SLCO5A1: variants seen among roughly 807,000 people sequenced by gnomAD.
SLCO5A1 encodes solute carrier organic anion transporter family member 5A1, also known as organic anion transporter polypeptide-related protein 4.
In SLCO5A1, 39 loss-of-function variants were observed where a neutral mutation model predicts 65.1. The observed-to-expected ratio is 0.60, with a 90% CI of 0.46 to 0.78. The LOEUF is 0.78. SLCO5A1 is among the 30% of genes least tolerant of loss of function. The probability of loss-of-function intolerance (pLI) is 0.00; values close to 1 mark genes in which losing one functional copy is unlikely to be tolerated. For synonymous variants in SLCO5A1, 438 were observed against 415.7 expected, an observed-to-expected ratio of 1.05 and a Z score of -0.65; for missense variants, 1,029 against 1,069.4, an observed-to-expected ratio of 0.96 and a Z score of 0.53.
At chr8:69,813,396 C>G (rs1363640930) in intron 2 of SLCO5A1, among the ~76,000 whole-genome samples, 4 of 152,138 alleles carry the variant, frequency 2.6e-5, no homozygotes, top group Non-Finnish European at 5.9e-5. Flanking sequence ...ATATTAATTA[C>G]ATAAATATGC....
chr8:69,683,780 C>T (rs1440199991), intron 6 of SLCO5A1, among the ~76,000 whole-genome samples: 3 of 152,110 alleles, frequency 2.0e-5, no homozygotes, highest in Non-Finnish European at 2.9e-5. Context: ...CCAGGCTGGT[C>T]TCGAACTCCT....
rs148364215 is a variant in SLCO5A1 at position 69,790,925 on chromosome 8, A to G, written c.908-29050T>C. 7.3e-3 allele frequency among the ~76,000 whole-genome samples: 1,117 copies of G among 152,308 alleles called. 13 individuals are homozygous for G. Among genetic ancestry groups the G allele is most frequent in the African/African-American group, 0.026 (1,070 of 41,566 alleles). On this transcript the variant is annotated intron_variant, in intron 2 of 9. Transcript: ENST00000260126. ...AAAGAAAAAAGGCCAGAGGCATACCATGACTTCAGGGGATTTGAAGAGAAC... is the reference window on the plus strand; with the variant it reads ...AAAGAAAAAAGGCCAGAGGCATACCGTGACTTCAGGGGATTTGAAGAGAAC...
chr8:69,783,540 A>T (rs1586795126), intron 2 of SLCO5A1, among the ~76,000 whole-genome samples: 1 of 152,026 alleles, frequency 6.6e-6, no homozygotes, highest in African/African-American at 2.4e-5. Flanking sequence ...TAAAAATTAA[A>T]AAAGGTATCT....
At chr8:69,725,850 T>C (rs767644799) in intron 5 of SLCO5A1, among the ~76,000 whole-genome samples, 1 of 152,334 alleles carries the variant, frequency 6.6e-6, no homozygotes, top group Middle Eastern at 3.4e-3. Flanking sequence ...GGATTTTCAG[T>C]CTTTTTGAAA....
In SLCO5A1 at chr8:69,832,014, G is replaced by T. The variant is rs375446885; in HGVS notation, c.660C>A (p.Pro220=). Residue 220 remains proline (P), a synonymous_variant, in exon 2 of 10, where the codon CCC becomes CCA. Coordinates refer to ENST00000260126, the MANE Select transcript of SLCO5A1 (RefSeq NM_030958.3). The surrounding 1 kb of genome is among the most constrained non-coding windows in gnomAD (Gnocchi z 4.5). ...ALFALPHFIS[P]PYQIQELNAS... Reference sequence around the variant, plus strand: ...CGTTCAACTCTTGGATCTGGTAGGGGGGCGAGATGAAGTGAGGTAAGGCGA... The same window carrying T: ...CGTTCAACTCTTGGATCTGGTAGGGTGGCGAGATGAAGTGAGGTAAGGCGA... 7 of 1,602,476 alleles carry T rather than the reference G, an allele frequency of 4.4e-6. No individual in the cohort carries two copies. Among genetic ancestry groups the T allele is most frequent in the African/African-American group, 1.3e-5 (1 of 74,624 alleles).
Position 69,761,751 on chromosome 8 carries a change from A to T in SLCO5A1, c.1032T>A (p.Ile344=). ...VHLDQNDPRF[I]GNWWSGFLLC... ...TAGAAAACAGAACTTACCAGTTTCCAATGAAACGAGGGTCATTCTGGTCAA... is the reference window on the plus strand; with the variant it reads ...TAGAAAACAGAACTTACCAGTTTCCTATGAAACGAGGGTCATTCTGGTCAA... Residue 344 remains isoleucine, a synonymous_variant, in exon 3 of 10, where the codon ATT becomes ATA. Transcript: ENST00000260126. 1 of 1,613,356 alleles carries T rather than the reference A, an allele frequency of 6.2e-7. No individual in the cohort carries two copies. Among genetic ancestry groups the T allele is most frequent in the South Asian group, 1.1e-5 (1 of 90,716 alleles).
intron 2 of SLCO5A1, among the ~76,000 whole-genome samples, chr8:69,803,694 C>T (rs1819860519): frequency 6.6e-6 from 1 of 152,072 alleles, no homozygotes; most frequent in Non-Finnish European, 1.5e-5. Flanking sequence ...TTCTGAAACT[C>T]ACTAAAGTGT....
intron 2 of SLCO5A1, among the ~76,000 whole-genome samples, chr8:69,820,653 G>A (rs1425394081): frequency 6.6e-6 from 1 of 151,738 alleles, no homozygotes; most frequent in Non-Finnish European, 1.5e-5. Context: ...GCAACATAAT[G>A]AGACCATGTC....
chr8:69,747,655 A>G (rs1586753224), intron 4 of SLCO5A1, among the ~76,000 whole-genome samples: 1 of 152,318 alleles, frequency 6.6e-6, no homozygotes, highest in Middle Eastern at 3.4e-3. Context: ...GTATCCACCA[A>G]GGAGTTCTGG....
intron 4 of SLCO5A1, among the ~76,000 whole-genome samples, chr8:69,742,010 A>G (rs1239917442): frequency 6.6e-6 from 1 of 152,200 alleles, no homozygotes; most frequent in African/African-American, 2.4e-5. Flanking sequence ...CACCAGATCA[A>G]TGTGAATTGC....
intron 6 of SLCO5A1, among the ~76,000 whole-genome samples, chr8:69,694,855 G>A (rs2933061): frequency 0.095 from 14,407 of 152,174 alleles, 866 homozygotes; most frequent in South Asian, 0.17. Flanking sequence ...AGCACTCTTA[G>A]TCAGGTTACT....
intron 2 of SLCO5A1, among the ~76,000 whole-genome samples, chr8:69,772,216 C>G (rs1490750100): frequency 1.3e-5 from 2 of 152,162 alleles, no homozygotes; most frequent in Non-Finnish European, 2.9e-5. Context: ...ATAATTCAAC[C>G]TGCCTGGAAA....
intron 2 of SLCO5A1, among the ~76,000 whole-genome samples, chr8:69,818,211 GA>G (rs1216798527): frequency 6.6e-6 from 1 of 152,186 alleles, no homozygotes; most frequent in Non-Finnish European, 1.5e-5. Flanking sequence ...TATTTTTCCT[GA>G]TGAAGTAGAA....
intron 2 of SLCO5A1, among the ~76,000 whole-genome samples, chr8:69,819,089 T>A (rs997337360): frequency 6.6e-6 from 1 of 152,006 alleles, no homozygotes; most frequent in Non-Finnish European, 1.5e-5. Flanking sequence ...CATTTTAAAA[T>A]GGGTTACAAG....
intron 2 of SLCO5A1, among the ~76,000 whole-genome samples, chr8:69,812,271 C>T (rs900403180): frequency 3.9e-5 from 6 of 152,134 alleles, no homozygotes; most frequent in Admixed American, 2.0e-4. Flanking sequence ...CTCTTCCTAA[C>T]CCTAAGCAAG....
At position 69,831,884 on chromosome 8, in the gene SLCO5A1, C is replaced by T. The variant is rs777050472; in HGVS notation, c.790G>A (p.Val264Met). Residue 264 changes from valine (V) to methionine (M), a missense_variant, in exon 2 of 10, where the codon GTG (valine) becomes ATG (methionine). By Grantham distance (21) the Val-to-Met change is conservative (BLOSUM62 1). Coordinates refer to ENST00000260126, the MANE Select transcript of SLCO5A1 (RefSeq NM_030958.3). ...ATCTGCGCGCAAATGAATAAAGCCACGTAGACCCAGTGATTATTTCCTCCC... is the reference window on the plus strand; with the variant it reads ...ATCTGCGCGCAAATGAATAAAGCCATGTAGACCCAGTGATTATTTCCTCCC... ...DSGGNNHWVY[V>M]ALFICAQILI... 3 of 1,611,638 alleles carry T rather than the reference C, an allele frequency of 1.9e-6. No individual in the cohort carries two copies. The highest frequency in any genetic ancestry group is 1.3e-5 in the African/African-American group (1 of 74,724).
chr8:69,680,165 G>A (rs939375847), intron 7 of SLCO5A1, among the ~76,000 whole-genome samples: 21 of 152,158 alleles, frequency 1.4e-4, no homozygotes, highest in African/African-American at 5.1e-4. Context: ...GATGCAGGGA[G>A]TACATGTGCA....
intron 2 of SLCO5A1, among the ~76,000 whole-genome samples, chr8:69,812,362 C>T (rs1171285024): frequency 6.6e-6 from 1 of 152,162 alleles, no homozygotes; most frequent in Non-Finnish European, 1.5e-5. Flanking sequence ...GAACTGAGGT[C>T]CTGAAAGATT....
At chr8:69,811,731 A>C (rs1349936571) in intron 2 of SLCO5A1, among the ~76,000 whole-genome samples, 1 of 152,218 alleles carries the variant, frequency 6.6e-6, no homozygotes, top group African/African-American at 2.4e-5. Context: ...TTTTAAAAGT[A>C]ATGACAGCCC....
Sources: allele counts gnomAD v4.1 joint callset (sites outside exome capture counted in the v4.1 genomes callset), GRCh38; gene constraint gnomAD v4.1.1; non-coding constraint Gnocchi (gnomAD v3.1); transcripts MANE v1.5; gene names NCBI Gene and HGNC (gene_info 2026-07-23, HGNC 2026-07-21).